The following HMGA2 variants were observed in gnomAD, a reference collection of about 807,000 sequenced individuals.
The protein encoded by HMGA2 is high mobility group AT-hook 2, also known as high mobility group protein HMGI-C.
HMGA2 carries 8 observed loss-of-function variants against 19.1 expected under a neutral mutation model. The ratio of observed to expected loss-of-function variants is 0.42; its 90% CI spans 0.25 to 0.76. HMGA2 has a LOEUF of 0.76. HMGA2 is among the 30% of genes least tolerant of loss of function. The pLI is 0.28. For missense variants in HMGA2, 109 were observed against 136.3 expected (o/e 0.80, Z 1.00); for synonymous variants, 60 against 48.8 (o/e 1.23, Z -0.96).
chr12:65,826,560 T>C (rs914007541), intron 1 of HMGA2: 4 of 152,154 alleles, frequency 2.6e-5, no homozygotes, highest in African/African-American at 9.7e-5. Flanking sequence ...AACTGAACAA[T>C]GTTTGCTTGC....
At chr12:65,881,752 A>T (rs1265969174) in intron 3 of HMGA2, 6 of 702,940 alleles carry the variant, frequency 8.5e-6, no homozygotes, top group Non-Finnish European at 1.6e-5. Context: ...GTGGTTGCTA[A>T]TGAAGAGCCC....
chr12:65,926,800 A>G (rs1437186412), intron 3 of HMGA2, among the ~76,000 whole-genome samples: 1 of 152,176 alleles, frequency 6.6e-6, no homozygotes, highest in Non-Finnish European at 1.5e-5. Context: ...TCAGTGAGAC[A>G]TTCAGCTGTC....
At chr12:65,869,170 G>C (rs73119900) in intron 3 of HMGA2, among the ~76,000 whole-genome samples, 2,993 of 151,528 alleles carry the variant, frequency 0.02, 52 homozygotes, top group Middle Eastern at 0.041. Context: ...GGGTTCTCTG[G>C]GCCAAGTTAG....
chr12:65,842,759 C>A, intron 3 of HMGA2: 1 of 1,372,802 alleles, frequency 7.3e-7, no homozygotes, highest in Non-Finnish European at 9.4e-7. Flanking sequence ...GCCAGTCCTG[C>A]CAATTGAAAT....
At chr12:65,961,716 C>T (rs1876756197) in intron 4 of HMGA2, among the ~76,000 whole-genome samples, 1 of 151,694 alleles carries the variant, frequency 6.6e-6, no homozygotes, top group Non-Finnish European at 1.5e-5. Flanking sequence ...ATGCAGTGGC[C>T]TGTGATTAAA....
Position 65,964,860 on chromosome 12 carries a change from C to T in HMGA2, c.*1568C>T, listed in dbSNP as rs532730390. On this transcript the variant is annotated 3_prime_UTR_variant, in exon 5 of 5. Transcript: ENST00000403681. ...AGGATAATTTTCCTCAATCACACTA[C>T]ACATCACACAAGATTTGACTGTAAT... The T allele has an allele frequency of 3.1e-5, 6 of 193,300 alleles. No homozygotes were observed. The East Asian group carries it at 4.1e-4, about 13-fold the overall frequency. The allele number at this position is 193,300 out of a possible 1,614,324, so 12.0% of individuals were successfully genotyped here.
At chr12:65,939,586 C>T (rs1474973149) in intron 3 of HMGA2, among the ~76,000 whole-genome samples, 1 of 152,182 alleles carries the variant, frequency 6.6e-6, no homozygotes, top group East Asian at 1.9e-4. Context: ...GAACTCCTGA[C>T]CTCAGGTGAT....
intron 3 of HMGA2, among the ~76,000 whole-genome samples, chr12:65,845,299 C>T (rs1351335524): frequency 1.3e-5 from 2 of 152,044 alleles, no homozygotes; most frequent in African/African-American, 2.4e-5. Flanking sequence ...GAGACAGTTT[C>T]GCTCTGTCAC....
At chr12:65,841,220 C>T (rs1386345787) in intron 3 of HMGA2, among the ~76,000 whole-genome samples, 1 of 152,034 alleles carries the variant, frequency 6.6e-6, no homozygotes, top group Non-Finnish European at 1.5e-5. Context: ...TCAGATCTTC[C>T]TGCTGGGTAA....
chr12:65,910,779 C>A (rs1376766559), intron 3 of HMGA2, among the ~76,000 whole-genome samples: 1 of 152,064 alleles, frequency 6.6e-6, no homozygotes, highest in Non-Finnish European at 1.5e-5. Flanking sequence ...CCATAGTTTT[C>A]TTTTGGTTTC....
At chr12:65,932,859 A>G (rs1053638520) in intron 3 of HMGA2, among the ~76,000 whole-genome samples, 1 of 152,232 alleles carries the variant, frequency 6.6e-6, no homozygotes, top group Non-Finnish European at 1.5e-5. Flanking sequence ...TAAAGCAGCC[A>G]TCTTTCAAAA....
At chr12:65,865,605 C>A (rs1175982248) in intron 3 of HMGA2, among the ~76,000 whole-genome samples, 2 of 150,164 alleles carry the variant, frequency 1.3e-5, no homozygotes, top group African/African-American at 4.9e-5. Flanking sequence ...GGCATACATT[C>A]TAAGCGTCTG....
intron 2 of HMGA2, among the ~76,000 whole-genome samples, chr12:65,830,578 C>T (rs1870436001): frequency 6.6e-6 from 1 of 151,848 alleles, no homozygotes; most frequent in Admixed American, 6.6e-5. Flanking sequence ...CTGCAATGCA[C>T]ACTGAAATCC....
chr12:65,930,368 T>G (rs1175007978), intron 3 of HMGA2, among the ~76,000 whole-genome samples: 4 of 152,204 alleles, frequency 2.6e-5, no homozygotes, highest in African/African-American at 9.7e-5. Flanking sequence ...TTGAAAAATG[T>G]GCCCAGGGCC....
At chr12:65,827,944 G>T (rs1053142856) in intron 1 of HMGA2, 57 bp from the exon 2 acceptor site, 1 of 1,212,512 alleles carries the variant, frequency 8.2e-7, no homozygotes, top group East Asian at 2.3e-5. Context: ...AAGAGTCAGG[G>T]TCAATTTCTT....
intron 3 of HMGA2, among the ~76,000 whole-genome samples, chr12:65,912,516 G>A (rs1481026496): frequency 6.6e-6 from 1 of 152,136 alleles, no homozygotes; most frequent in East Asian, 1.9e-4. Flanking sequence ...CCTCCAATCT[G>A]TAGAGTGTCA....
At chr12:65,885,081 C>T (rs903533273) in intron 3 of HMGA2, among the ~76,000 whole-genome samples, 1 of 152,070 alleles carries the variant, frequency 6.6e-6, no homozygotes, top group East Asian at 1.9e-4. Flanking sequence ...CATTCTTGTA[C>T]TTCACCCTCT....
At chr12:65,919,100 T>C (rs1475624457) in intron 3 of HMGA2, among the ~76,000 whole-genome samples, 2 of 152,200 alleles carry the variant, frequency 1.3e-5, no homozygotes, top group Non-Finnish European at 2.9e-5. Context: ...GATAAGAACA[T>C]TTATCAGACC....
At chr12:65,926,686 G>C (rs1875516150) in intron 3 of HMGA2, among the ~76,000 whole-genome samples, 1 of 152,188 alleles carries the variant, frequency 6.6e-6, no homozygotes, top group African/African-American at 2.4e-5. Flanking sequence ...AGCAAATGCT[G>C]ATTTGGATGC....
Sources: gnomAD v4.1 joint callset for allele counts (sites outside exome capture counted in the v4.1 genomes callset) on GRCh38, gnomAD v4.1.1 for gene constraint, MANE v1.5 for transcripts, NCBI Gene and HGNC (gene_info 2026-07-23, HGNC 2026-07-21) for gene names.